Variants in SLC25A33 observed in about 807,000 individuals in gnomAD.
SLC25A33 encodes the protein bone marrow stromal cell mitochondrial carrier protein.
Under a neutral mutation model 35.5 loss-of-function variants are expected in SLC25A33, and 15 were observed. The ratio of observed to expected loss-of-function variants is 0.42; its 90% CI spans 0.28 to 0.65. The LOEUF is 0.65. Ranked by LOEUF, SLC25A33 falls within the 30% of genes least tolerant of loss-of-function variation. The pLI, the probability that SLC25A33 is intolerant of heterozygous loss-of-function variation, is 0.20. For missense variants in SLC25A33, 257 were observed against 398.5 expected (o/e 0.64, Z 3.02); for synonymous variants, 136 against 148.7 (o/e 0.91, Z 0.62).
intron 2 of SLC25A33, among the ~76,000 whole-genome samples, chr1:9,563,656 G>A (rs749102378): frequency 6.6e-6 from 1 of 152,118 alleles, no homozygotes; most frequent in Admixed American, 6.6e-5. Context: ...TAAAGTGAAA[G>A]ACCTTTTCAT....
chr1:9,547,890 C>T (rs1486290593), intron 1 of SLC25A33, among the ~76,000 whole-genome samples: 1 of 151,368 alleles, frequency 6.6e-6, no homozygotes, highest in Admixed American at 6.6e-5. Flanking sequence ...CCCTTCCTGT[C>T]ACCCACGCTG....
chr1:9,582,936 G>C lies in SLC25A33; in HGVS notation c.*435G>C, dbSNP rs12076727. 3,561 of 159,036 alleles carry C rather than the reference G, an allele frequency of 0.022. 141 individuals carry two copies. The highest frequency in any genetic ancestry group is 0.078 in the African/African-American group (3,243 of 41,598). 9.9% of individuals were successfully genotyped at this position (159,036 alleles called of 1,614,324 possible). A position where few individuals can be genotyped will look rare whatever the true frequency, so the allele number is the denominator to read the frequency against. The stretch of plus-strand genomic sequence containing the variant: ...CACTGCTAGACAGGGAAGAAGTGTC[G>C]CATTTTGGCTGGGCACTGTGGCTCA... On this transcript the variant is annotated 3_prime_UTR_variant, in exon 7 of 7. Transcript: ENST00000302692. This position sits in a 1 kb window ranked among gnomAD's most constrained non-coding sequence, Gnocchi z 4.0.
Position 9,558,244 on chromosome 1 carries a change from C to T in SLC25A33, c.236+4439C>T, listed in dbSNP as rs895846127. Among the ~76,000 whole-genome samples, 23 of 152,214 alleles carry T rather than the reference C, an allele frequency of 1.5e-4. 1 individual carries two copies. ...AGGCTGAGCCTCTGCTGCTTCTCCG[C>T]GAAGGCAGCAGCAGTTCCCAGCTCA... On this transcript the variant is annotated intron_variant, in intron 2 of 6. Coordinates refer to ENST00000302692, the MANE Select transcript of SLC25A33 (RefSeq NM_032315.3).
rs1643770287 is a variant in SLC25A33 at position 9,583,503 on chromosome 1, G to C, written c.*1002G>C. On this transcript the variant is annotated 3_prime_UTR_variant, in exon 7 of 7. Coordinates refer to ENST00000302692, the MANE Select transcript of SLC25A33 (RefSeq NM_032315.3). ...GATATAGTTCCGGAAGTTAAGACCAGTTGCCTTGTTAAGTGTGTTGACAGC... is the reference window on the plus strand; with the variant it reads ...GATATAGTTCCGGAAGTTAAGACCACTTGCCTTGTTAAGTGTGTTGACAGC... 1.3e-5 allele frequency: 2 copies of C among 152,142 alleles called. No individual in the cohort carries two copies. Among genetic ancestry groups the C allele is most frequent in the South Asian group, 4.1e-4 (2 of 4,828 alleles). 9.4% of individuals were successfully genotyped at this position (152,142 alleles called of 1,614,324 possible).
At chr1:9,541,223 A>G (rs1226773895) in intron 1 of SLC25A33, among the ~76,000 whole-genome samples, 3 of 137,556 alleles carry the variant, frequency 2.2e-5, no homozygotes, top group African/African-American at 8.2e-5. Flanking sequence ...GCGCCATCTC[A>G]GCTCACTGCA....
chr1:9,560,893 C>T (rs1045583867), intron 2 of SLC25A33, among the ~76,000 whole-genome samples: 18 of 150,198 alleles, frequency 1.2e-4, no homozygotes, highest in African/African-American at 4.2e-4. Context: ...AAATAAAAAT[C>T]TTCTGGCTTA....
intron 2 of SLC25A33, among the ~76,000 whole-genome samples, chr1:9,554,750 A>G (rs1303861991): frequency 6.6e-6 from 1 of 152,190 alleles, no homozygotes; most frequent in African/African-American, 2.4e-5. Context: ...TACCTGAGCT[A>G]CCTGCCCATT....
chr1:9,579,947 T>C lies in SLC25A33; in HGVS notation c.483-7T>C. 1 of 1,609,610 alleles carries C rather than the reference T, an allele frequency of 6.2e-7. No homozygotes were observed. Among genetic ancestry groups the C allele is most frequent in the Admixed American group, 1.7e-5 (1 of 58,948 alleles). On this transcript the variant is annotated splice_region_variant and splice_polypyrimidine_tract_variant and intron_variant, in intron 5 of 6. Coordinates refer to ENST00000302692, the MANE Select transcript of SLC25A33 (RefSeq NM_032315.3). Reference sequence around the variant, plus strand: ...CTTAACAGCCTGTGTTGGTCTCTTTTATGCAGAGTGAGGGGCTCTAAGCAG... The same window carrying C: ...CTTAACAGCCTGTGTTGGTCTCTTTCATGCAGAGTGAGGGGCTCTAAGCAG...
chr1:9,558,996 G>T (rs936573100), intron 2 of SLC25A33, among the ~76,000 whole-genome samples: 1 of 152,006 alleles, frequency 6.6e-6, no homozygotes, highest in African/African-American at 2.4e-5. Flanking sequence ...TTTCCCCTTT[G>T]CCTCTCCAGC....
At chr1:9,552,173 G>A (rs1643275260) in intron 1 of SLC25A33, among the ~76,000 whole-genome samples, 1 of 152,150 alleles carries the variant, frequency 6.6e-6, no homozygotes, top group Admixed American at 6.6e-5. Flanking sequence ...TAACTGATTA[G>A]TTGTGAATGA....
intron 2 of SLC25A33, among the ~76,000 whole-genome samples, chr1:9,562,879 A>C (rs1643444432): frequency 6.6e-6 from 1 of 150,936 alleles, no homozygotes; most frequent in African/African-American, 2.4e-5. Flanking sequence ...AATTATATAA[A>C]TTGAACTAAG....
intron 1 of SLC25A33, among the ~76,000 whole-genome samples, chr1:9,550,011 A>ATATATATATATTT (rs754618497): frequency 8.2e-5 from 4 of 48,862 alleles, no homozygotes; most frequent in African/African-American, 2.3e-4. Context: ...ATATATATAT[A>ATATATATATATTT]TTTTTTTTTT....
chr1:9,556,040 A>G, intron 2 of SLC25A33: 1 of 191,810 alleles, frequency 5.2e-6, no homozygotes, highest in Non-Finnish European at 9.6e-6. Context: ...ACTGGGCAGG[A>G]AAGTTGGGGG....
intron 1 of SLC25A33, among the ~76,000 whole-genome samples, chr1:9,544,979 A>T (rs1210545066): frequency 2.6e-5 from 4 of 152,192 alleles, no homozygotes; most frequent in Admixed American, 6.6e-5. Context: ...TACTTTTTTT[A>T]AAATCCCAGT....
intron 1 of SLC25A33, among the ~76,000 whole-genome samples, chr1:9,545,517 C>G (rs918925843): frequency 1.6e-4 from 25 of 152,018 alleles, no homozygotes; most frequent in African/African-American, 6.0e-4. Flanking sequence ...CCTGCCTCAG[C>G]CTCCTGAGTA....
chr1:9,560,950 CTTTTT>C (rs1236263182), intron 2 of SLC25A33, among the ~76,000 whole-genome samples: 2 of 135,796 alleles, frequency 1.5e-5, no homozygotes, highest in Admixed American at 7.4e-5. Context: ...GAGACACATT[CTTTTT>C]TTTTTTTTTT....
In SLC25A33 at chr1:9,539,645, C is replaced by G. The variant is rs1345717859; in HGVS notation, c.-47C>G. 1 of 1,315,408 alleles carries G rather than the reference C, an allele frequency of 7.6e-7. No homozygotes were observed. Among genetic ancestry groups the G allele is most frequent in the African/African-American group, 1.6e-5 (1 of 63,794 alleles). The allele number at this position is 1,315,408 out of a possible 1,614,324, so 81.5% of individuals were successfully genotyped here. A position where few individuals can be genotyped will look rare whatever the true frequency, so the allele number is the denominator to read the frequency against. On this transcript the variant is annotated 5_prime_UTR_variant, in exon 1 of 7. Transcript: ENST00000302692. ...ACCTCGCGCATCCCTCGAGCCGCCA[C>G]GCGCTCTCGCCACCGGGCGGCGACG... is the stretch of plus-strand genomic sequence containing the variant.
At position 9,584,001 on chromosome 1, in the gene SLC25A33, A is replaced by AG. The variant is rs1289669348; in HGVS notation, c.*1500_*1501insG. ...CAGAGTGCGACTCCATCTCAAAAAA[A>AG]AAAAAAAAACCAGGATGTTACCCCC... On this transcript the variant is annotated 3_prime_UTR_variant, in exon 7 of 7. Transcript: ENST00000302692. 2 of 151,904 alleles carry AG rather than the reference A, an allele frequency of 1.3e-5. No individual in the cohort carries two copies. The highest frequency in any genetic ancestry group is 2.4e-5 in the African/African-American group (1 of 41,294). The allele number at this position is 151,904 out of a possible 1,614,324, so 9.4% of individuals were successfully genotyped here.
chr1:9,562,916 T>C (rs1457772414), intron 2 of SLC25A33, among the ~76,000 whole-genome samples: 1 of 143,184 alleles, frequency 7.0e-6, no homozygotes, highest in Non-Finnish European at 1.5e-5. Flanking sequence ...TTTAAAATAA[T>C]AGCTTTTTTT....
Sources: gnomAD v4.1 joint callset for allele counts (sites outside exome capture counted in the v4.1 genomes callset) on GRCh38, gnomAD v4.1.1 for gene constraint, Gnocchi (gnomAD v3.1) non-coding constraint, MANE v1.5 for transcripts, NCBI Gene and HGNC (gene_info 2026-07-23, HGNC 2026-07-21) for gene names.